WDR49: variants seen among roughly 807,000 people sequenced by gnomAD.
WDR49 encodes the protein WD repeat domain 49, also known as cilia- and flagella-associated protein 337.
In WDR49, 107 loss-of-function variants were observed where a neutral mutation model predicts 119.5. That is an observed-to-expected ratio of 0.90 (90% CI 0.77 to 1.05). The LOEUF is 1.05. Among genes scored for constraint, WDR49 ranks in the 50% least tolerant of loss-of-function variants. The pLI, the probability that WDR49 is intolerant of heterozygous loss-of-function variation, is 0.00. For missense variants in WDR49, 1,240 were observed against 1,220.5 expected (o/e 1.02, Z -0.24); for synonymous variants, 425 against 418.8 (o/e 1.01, Z -0.18).
chr3:167,655,893 G>A (rs537802758), upstream of WDR49, among the ~76,000 whole-genome samples: 2 of 150,878 alleles, frequency 1.3e-5, no homozygotes, highest in Admixed American at 6.6e-5. Context: ...GATAGACACT[G>A]TCTCTCTCTC....
intron 10 of WDR49, among the ~76,000 whole-genome samples, chr3:167,538,165 G>A (rs1416368454): frequency 1.3e-5 from 2 of 152,026 alleles, no homozygotes; most frequent in Admixed American, 1.3e-4. Context: ...CTATACAAAT[G>A]GCTCTTAAAT....
At chr3:167,632,148 T>C (rs550081534) in intron 2 of WDR49, among the ~76,000 whole-genome samples, 1 of 152,180 alleles carries the variant, frequency 6.6e-6, no homozygotes, top group Non-Finnish European at 1.5e-5. Flanking sequence ...ATCAATCTCT[T>C]AGATTGTCTC....
rs149219402 is a variant in WDR49 at position 167,543,460 on chromosome 3, T to C, written c.1824-6460A>G. Among the ~76,000 whole-genome samples the C allele has an allele frequency of 7.7e-3, 1,168 of 152,210 alleles. 18 individuals carry two copies. The highest frequency in any genetic ancestry group is 0.027 in the African/African-American group (1,105 of 41,544). On this transcript the variant is annotated intron_variant, in intron 10 of 18. Coordinates refer to ENST00000682715, the MANE Select transcript of WDR49 (RefSeq NM_001366157.1). ...ATCCAACATGATCAAGTGGGTTTCATACCAGGGATGCAGAGATGGTTTAAC... is the reference window on the plus strand; with the variant it reads ...ATCCAACATGATCAAGTGGGTTTCACACCAGGGATGCAGAGATGGTTTAAC...
chr3:167,580,339 CG>C (rs749139200), intron 7 of WDR49, among the ~76,000 whole-genome samples: 1 of 151,934 alleles, frequency 6.6e-6, no homozygotes, highest in Non-Finnish European at 1.5e-5. Context: ...AAATGGGTGA[CG>C]GTATATGACC....
In WDR49 at chr3:167,608,945, C is replaced by T. The variant is rs114519012; in HGVS notation, c.959-4477G>A. Among the ~76,000 whole-genome samples, 615 of 152,288 alleles carry T rather than the reference C, an allele frequency of 4.0e-3. 2 individuals carry two copies. The highest frequency in any genetic ancestry group is 0.014 in the African/African-American group (591 of 41,548). ...TAAAAAAAGACATTAAGGGACCCTG[C>T]CATCGATCTTTGTCCTCATGTGTGC... On this transcript the variant is annotated intron_variant, in intron 5 of 18. Coordinates refer to ENST00000682715, the MANE Select transcript of WDR49 (RefSeq NM_001366157.1).
At chr3:167,503,603 G>A (rs1334293721) in intron 17 of WDR49, among the ~76,000 whole-genome samples, 5 of 152,192 alleles carry the variant, frequency 3.3e-5, no homozygotes, top group East Asian at 3.9e-4. Context: ...ACAATGGCAA[G>A]CCTTTAGCCC....
chr3:167,549,676 A>G (rs555096213), intron 10 of WDR49, among the ~76,000 whole-genome samples: 16 of 151,912 alleles, frequency 1.1e-4, no homozygotes, highest in South Asian at 2.1e-4. Context: ...TTCTTTTGCT[A>G]TGCAGAAGCT....
At chr3:167,549,941 T>C (rs1198672358) in intron 10 of WDR49, among the ~76,000 whole-genome samples, 1 of 152,230 alleles carries the variant, frequency 6.6e-6, no homozygotes, top group Non-Finnish European at 1.5e-5. Context: ...CACCATTTAT[T>C]AAATAGGAAA....
intron 10 of WDR49, among the ~76,000 whole-genome samples, chr3:167,550,687 G>A (rs1205661357): frequency 3.3e-5 from 5 of 150,552 alleles, no homozygotes; most frequent in Admixed American, 2.0e-4. Flanking sequence ...AGTTATTCCT[G>A]GATAAAGCTA....
intron 5 of WDR49, among the ~76,000 whole-genome samples, chr3:167,609,781 G>A (rs1314539009): frequency 6.6e-6 from 1 of 152,146 alleles, no homozygotes. Flanking sequence ...TCCAAAAGAG[G>A]TGCCTTCCTT....
intron 8 of WDR49, among the ~76,000 whole-genome samples, chr3:167,561,314 A>G (rs188262860): frequency 6.6e-6 from 1 of 152,234 alleles, no homozygotes; most frequent in East Asian, 1.9e-4. Flanking sequence ...CAAGGAGTCT[A>G]TTGTCTATGG....
At chr3:167,504,309 A>T (rs529804012) in intron 17 of WDR49, among the ~76,000 whole-genome samples, 2 of 152,334 alleles carry the variant, frequency 1.3e-5, no homozygotes, top group East Asian at 3.9e-4. Context: ...ACACAGGGGC[A>T]AATCTGTGCA....
At chr3:167,487,226 G>T (rs147161711) in intron 18 of WDR49, among the ~76,000 whole-genome samples, 1 of 151,806 alleles carries the variant, frequency 6.6e-6, no homozygotes, top group Non-Finnish European at 1.5e-5. Context: ...ATAAAGCTGT[G>T]TACCTACAAC....
chr3:167,642,297 CA>C (rs984174798), intron 2 of WDR49, among the ~76,000 whole-genome samples: 2 of 151,612 alleles, frequency 1.3e-5, no homozygotes, highest in Admixed American at 6.6e-5. Flanking sequence ...CAATATAATG[CA>C]AAAAAACTGC....
chr3:167,604,367 T>C lies in WDR49; in HGVS notation c.1060A>G (p.Met354Val). ...CCCTGGGCAATGTTGAAGGATGTCA[T>C]ATTAAGACGCTTTTTTGATTTCTCT... ...WREKSKKRLN[M>V]TSFNIAQGIH... Residue 354 changes from methionine (M) to valine (V), a missense_variant, in exon 6 of 19, where the codon ATG (methionine) becomes GTG (valine). Transcript: ENST00000682715. 6.2e-7 allele frequency: 1 copy of C among 1,613,892 alleles called. No individual in the cohort carries two copies. The highest frequency in any genetic ancestry group is 8.5e-7 in the Non-Finnish European group (1 of 1,179,894).
chr3:167,632,976 AC>A (rs1717439813), intron 2 of WDR49, among the ~76,000 whole-genome samples: 2 of 152,072 alleles, frequency 1.3e-5, no homozygotes, highest in African/African-American at 4.8e-5. Flanking sequence ...TGTGGATGGC[AC>A]ATTTATACTC....
Position 167,513,016 on chromosome 3 carries a change from T to G in WDR49, c.2775-7600A>C, listed in dbSNP as rs1486047834. Among the ~76,000 whole-genome samples, 4 of 152,294 alleles carry G rather than the reference T, an allele frequency of 2.6e-5. No individual in the cohort carries two copies. The East Asian group carries it at 7.7e-4, about 29-fold the overall frequency. On this transcript the variant is annotated intron_variant, in intron 16 of 18. Coordinates refer to ENST00000682715, the MANE Select transcript of WDR49 (RefSeq NM_001366157.1). ...AGAGACGGAGAGAATGGAAACAAGT[T>G]GGAAAACATACTTCAGGATATCATC...
At chr3:167,526,092 T>G (rs1752619447) in intron 15 of WDR49, among the ~76,000 whole-genome samples, 1 of 152,078 alleles carries the variant, frequency 6.6e-6, no homozygotes, top group Non-Finnish European at 1.5e-5. Flanking sequence ...TTTGCTAGCC[T>G]TCAATTTGTA....
At position 167,485,686 on chromosome 3, in the gene WDR49, C is replaced by G. The variant is rs575679017; in HGVS notation, c.3032-6690G>C. ...CCTCAGCACTCAAAGACTGGTTCTT[C>G]AAATCAACTCAGTCAGACAAAAATA... On this transcript the variant is annotated intron_variant, in intron 18 of 18. Transcript: ENST00000682715. Among the ~76,000 whole-genome samples, 5 of 152,132 alleles carry G rather than the reference C, an allele frequency of 3.3e-5. No individual in the cohort carries two copies. The East Asian group carries it at 9.7e-4, about 29-fold the overall frequency.
Sources: allele counts gnomAD v4.1 joint callset (sites outside exome capture counted in the v4.1 genomes callset), GRCh38; gene constraint gnomAD v4.1.1; transcripts MANE v1.5; gene names NCBI Gene and HGNC (gene_info 2026-07-23, HGNC 2026-07-21).